Variants in SRBD1 observed in about 807,000 individuals in gnomAD.
The protein encoded by SRBD1 is S1 RNA-binding domain-containing protein 1.
SRBD1 carries 88 observed loss-of-function variants against 115.3 expected under a neutral mutation model. That is an observed-to-expected ratio of 0.76 (90% CI 0.64 to 0.91). SRBD1 has a LOEUF of 0.91. Ranked by LOEUF, SRBD1 falls within the 40% of genes least tolerant of loss-of-function variation. The probability of loss-of-function intolerance (pLI) is 0.00; values close to 1 mark genes in which losing one functional copy is unlikely to be tolerated. For missense variants in SRBD1, 1,385 were observed against 1,177.4 expected, an observed-to-expected ratio of 1.18 and a Z score of -2.58; for synonymous variants, 509 against 407.7, an observed-to-expected ratio of 1.25 and a Z score of -2.99.
chr2:45,548,661 T>C (rs544229281), intron 12 of SRBD1, among the ~76,000 whole-genome samples: 11 of 146,726 alleles, frequency 7.5e-5, no homozygotes, highest in Non-Finnish European at 1.3e-4. Context: ...TCTAGTAATA[T>C]AATTAATCAC....
intron 15 of SRBD1, among the ~76,000 whole-genome samples, chr2:45,480,226 A>G (rs1013169708): frequency 6.6e-6 from 1 of 152,190 alleles, no homozygotes; most frequent in Non-Finnish European, 1.5e-5. Context: ...TCAAGGAGTA[A>G]TTTTGACTTT....
intron 16 of SRBD1, among the ~76,000 whole-genome samples, chr2:45,468,998 CT>C (rs1298658870): frequency 6.6e-6 from 1 of 152,056 alleles, no homozygotes; most frequent in Non-Finnish European, 1.5e-5. Flanking sequence ...CTTTATTATT[CT>C]TTTGTATCTC....
chr2:45,476,874 A>T, intron 16 of SRBD1, 119 bp downstream of exon 16: 1 of 847,206 alleles, frequency 1.2e-6, no homozygotes. Context: ...ACTTTCCACA[A>T]ACTGTATAAC....
At chr2:45,432,495 T>C (rs1668370746) in intron 16 of SRBD1, among the ~76,000 whole-genome samples, 1 of 152,226 alleles carries the variant, frequency 6.6e-6, no homozygotes, top group Non-Finnish European at 1.5e-5. Flanking sequence ...CTGTGCAAGT[T>C]GGGCTATGTG....
intron 10 of SRBD1, among the ~76,000 whole-genome samples, chr2:45,561,060 T>C (rs1214950678): frequency 6.6e-6 from 1 of 152,094 alleles, no homozygotes; most frequent in Admixed American, 6.5e-5. Context: ...TGAGCTATGA[T>C]AGCACCTGTG....
At chr2:45,524,996 G>A (rs1671397730) in intron 14 of SRBD1, among the ~76,000 whole-genome samples, 1 of 151,916 alleles carries the variant, frequency 6.6e-6, no homozygotes, top group Non-Finnish European at 1.5e-5. Context: ...CATGTCTACG[G>A]TCAACTGATT....
At chr2:45,422,541 C>T (rs1426004957) in intron 16 of SRBD1, among the ~76,000 whole-genome samples, 1 of 152,076 alleles carries the variant, frequency 6.6e-6, no homozygotes, top group East Asian at 1.9e-4. Flanking sequence ...CCCTTAACAT[C>T]GAATGAACAA....
At chr2:45,393,601 C>T (rs1424632037) in intron 19 of SRBD1, among the ~76,000 whole-genome samples, 7 of 152,266 alleles carry the variant, frequency 4.6e-5, no homozygotes, top group African/African-American at 1.4e-4. Flanking sequence ...AGGATGGTCT[C>T]GATCTCCTGA....
rs146246608 is a variant in SRBD1 at position 45,436,092 on chromosome 2, T to C, written c.2050-16198A>G. Among the ~76,000 whole-genome samples the C allele has an allele frequency of 2.2e-3, 332 of 152,188 alleles. 1 individual carries two copies. The highest frequency in any genetic ancestry group is 7.6e-3 in the African/African-American group (314 of 41,522). On this transcript the variant is annotated intron_variant, in intron 16 of 20. Transcript: ENST00000263736. ...ATAATATATCTCAGGTATGCAAGTC[T>C]GGTTCAACATTCAAAAAATCAATTA...
chr2:45,539,607 A>G (rs1280471949), intron 14 of SRBD1, among the ~76,000 whole-genome samples: 2 of 152,224 alleles, frequency 1.3e-5, no homozygotes, highest in Non-Finnish European at 2.9e-5. Flanking sequence ...ATGGAACTAT[A>G]AGCCATCTGT....
At chr2:45,529,704 G>C (rs749131352) in intron 14 of SRBD1, among the ~76,000 whole-genome samples, 4 of 151,938 alleles carry the variant, frequency 2.6e-5, no homozygotes, top group South Asian at 2.1e-4. Context: ...AAATAGGAGA[G>C]AAGAGAAGAA....
intron 14 of SRBD1, among the ~76,000 whole-genome samples, chr2:45,498,438 AT>A (rs948639695): frequency 3.3e-5 from 5 of 152,120 alleles, no homozygotes; most frequent in Non-Finnish European, 5.9e-5. Context: ...TGTTATACAT[AT>A]TTTTGGGGTA....
chr2:45,484,831 T>A (rs947804366), intron 15 of SRBD1, among the ~76,000 whole-genome samples: 1 of 152,222 alleles, frequency 6.6e-6, no homozygotes, highest in African/African-American at 2.4e-5. Flanking sequence ...CATATAACCA[T>A]ACAATATGTA....
intron 16 of SRBD1, among the ~76,000 whole-genome samples, chr2:45,424,398 A>AT (rs1668091935): frequency 6.6e-6 from 1 of 152,138 alleles, no homozygotes; most frequent in South Asian, 2.1e-4. Context: ...GTAAAAAGGT[A>AT]TTTTTAATCT....
intron 9 of SRBD1, among the ~76,000 whole-genome samples, chr2:45,563,016 C>T (rs1672722012): frequency 1.3e-5 from 2 of 152,140 alleles, no homozygotes; most frequent in Non-Finnish European, 1.5e-5. Flanking sequence ...ATCTAAAAAT[C>T]TCATTTCAGA....
At chr2:45,389,728 A>G in intron 20 of SRBD1, 129 bp from the exon 21 acceptor site, 1 of 912,882 alleles carries the variant, frequency 1.1e-6, no homozygotes, top group East Asian at 2.6e-5. Flanking sequence ...GGATTATAAA[A>G]GGAGCTGCAG....
intron 20 of SRBD1, among the ~76,000 whole-genome samples, chr2:45,390,534 T>C (rs985016797): frequency 6.6e-6 from 1 of 152,192 alleles, no homozygotes; most frequent in Non-Finnish European, 1.5e-5. Context: ...ACTCCATTTA[T>C]CCATGCTCCT....
chr2:45,558,270 G>C (rs751258494), intron 10 of SRBD1, among the ~76,000 whole-genome samples: 4 of 152,226 alleles, frequency 2.6e-5, no homozygotes, highest in Non-Finnish European at 4.4e-5. Flanking sequence ...TTTGAGACCA[G>C]CCTGAGCAAC....
chr2:45,594,487 T>A (rs1401780844), intron 4 of SRBD1, among the ~76,000 whole-genome samples: 1 of 152,196 alleles, frequency 6.6e-6, no homozygotes, highest in Non-Finnish European at 1.5e-5. Context: ...GTTCATGGTA[T>A]CCAAAACATA....
Sources: allele counts gnomAD v4.1 joint callset (sites outside exome capture counted in the v4.1 genomes callset), GRCh38; gene constraint gnomAD v4.1.1; transcripts MANE v1.5; gene names NCBI Gene and HGNC (gene_info 2026-07-23, HGNC 2026-07-21).